GNG7: variants seen among roughly 807,000 people sequenced by gnomAD.
GNG7 encodes G protein subunit gamma 7.
In GNG7, 1 loss-of-function variant was observed where a neutral mutation model predicts 4.0. The observed-to-expected ratio is 0.25, with a 90% CI of 0.09 to 1.18. The LOEUF (loss-of-function observed/expected upper bound fraction) is 1.18. GNG7 is among the 50% of genes most tolerant of loss of function. GNG7 has a pLI of 0.50. For synonymous variants in GNG7, 34 were observed against 36.9 expected, an observed-to-expected ratio of 0.92 and a Z score of 0.29; for missense variants, 86 against 91.9, an observed-to-expected ratio of 0.94 and a Z score of 0.26.
chr19:2,676,592 T>C (rs1983599075), intron 1 of GNG7, among the ~76,000 whole-genome samples: 1 of 152,108 alleles, frequency 6.6e-6, no homozygotes, highest in African/African-American at 2.4e-5. Flanking sequence ...TTGTTTTCGC[T>C]TTCTGTAGAG....
At position 2,653,445 on chromosome 19, in the gene GNG7, C is replaced by T. The variant is rs1440595710; in HGVS notation, c.-134-7165G>A. Reference sequence around the variant, plus strand: ...ATTGAAATCCACATCCTGAGTGGGGCGGAGGGAGGAGGAGAATCCCAGGAG... The same window carrying T: ...ATTGAAATCCACATCCTGAGTGGGGTGGAGGGAGGAGGAGAATCCCAGGAG... On this transcript the variant is annotated intron_variant, in intron 1 of 4. Transcript: ENST00000382159. The surrounding 1 kb of genome is among the most constrained non-coding windows in gnomAD (Gnocchi z 4.8). Among the ~76,000 whole-genome samples, 1 of 152,090 alleles carries T rather than the reference C, an allele frequency of 6.6e-6. No individual in the cohort carries two copies. The highest frequency in any genetic ancestry group is 1.5e-5 in the Non-Finnish European group (1 of 68,016).
rs1335152822 is a variant in GNG7 at position 2,651,282 on chromosome 19, CTCCATCCCTCCCTCCCTACCT to C, written c.-134-5023_-134-5003del. Among the ~76,000 whole-genome samples, 750 of 98,454 alleles carry C rather than the reference CTCCATCCCTCCCTCCCTACCT, an allele frequency of 7.6e-3. 21 individuals are homozygous for C. Among genetic ancestry groups the C allele is most frequent in the African/African-American group, 0.034 (696 of 20,224 alleles). The allele number at this position is 98,454 out of a possible 152,430, so 64.6% of individuals were successfully genotyped here. A position where few individuals can be genotyped will look rare whatever the true frequency, so the allele number is the denominator to read the frequency against. ...CTTCCTTCCTTCCTTCCCTCCCTCC[CTCCATCCCTCCCTCCCTACCT>C]TCCCTCCATCCCTCCCTCCCTCCCT... On this transcript the variant is annotated intron_variant, in intron 1 of 4. Coordinates refer to ENST00000382159, the MANE Select transcript of GNG7 (RefSeq NM_052847.3).
At chr19:2,631,913 G>A (rs1419588108) in intron 2 of GNG7, 1 of 152,234 alleles carries the variant, frequency 6.6e-6, no homozygotes, top group Non-Finnish European at 1.5e-5. Context: ...TTCTGAAAGA[G>A]GAAGAGAGAA....
At chr19:2,638,874 T>C (rs1469366525) in intron 2 of GNG7, among the ~76,000 whole-genome samples, 1 of 152,142 alleles carries the variant, frequency 6.6e-6, no homozygotes, top group African/African-American at 2.4e-5. Context: ...ATACAGGTGA[T>C]TTTTTTATAA....
At chr19:2,687,131 C>T (rs1378067902) in intron 1 of GNG7, among the ~76,000 whole-genome samples, 1 of 151,676 alleles carries the variant, frequency 6.6e-6, no homozygotes, top group Non-Finnish European at 1.5e-5. Flanking sequence ...GATCTTGGCT[C>T]ACTGCAGCCT....
At position 2,635,282 on chromosome 19, in the gene GNG7, A is replaced by G. The variant is rs183542659; in HGVS notation, c.-78+10942T>C. Among the ~76,000 whole-genome samples, 625 of 152,264 alleles carry G rather than the reference A, an allele frequency of 4.1e-3. 6 individuals are homozygous for G. The highest frequency in any genetic ancestry group is 0.014 in the African/African-American group (588 of 41,552). On this transcript the variant is annotated intron_variant, in intron 2 of 4. Coordinates refer to ENST00000382159, the MANE Select transcript of GNG7 (RefSeq NM_052847.3). ...TCCATCTGCACCCTCTGCATCTCCA[A>G]CCCCACCCCCAGCCCCAGTGTCTCC...
chr19:2,527,428 G>A (rs1030252279), intron 3 of GNG7, among the ~76,000 whole-genome samples: 2 of 152,224 alleles, frequency 1.3e-5, no homozygotes, highest in African/African-American at 4.8e-5. Context: ...CTCTGGAGCT[G>A]TGCCCCCGCC....
At chr19:2,550,168 C>A (rs4993719) in intron 3 of GNG7, among the ~76,000 whole-genome samples, 9 of 151,958 alleles carry the variant, frequency 5.9e-5, no homozygotes, top group African/African-American at 2.2e-4. Flanking sequence ...TAGAATGCAG[C>A]AGAAGGAGCG....
intron 2 of GNG7, among the ~76,000 whole-genome samples, chr19:2,645,390 C>CA (rs1982638717): frequency 6.6e-6 from 1 of 151,900 alleles, no homozygotes; most frequent in African/African-American, 2.4e-5. Flanking sequence ...AGGCACCTGC[C>CA]ACCACGCCTG....
intron 1 of GNG7, among the ~76,000 whole-genome samples, chr19:2,661,295 A>AG (rs1599448750): frequency 1.1e-4 from 5 of 45,948 alleles, no homozygotes; most frequent in East Asian, 1.7e-3. Flanking sequence ...AGAAAGAAAG[A>AG]AAGAAAGAGA....
At chr19:2,558,315 C>G (rs1205561512) in intron 2 of GNG7, among the ~76,000 whole-genome samples, 1 of 151,112 alleles carries the variant, frequency 6.6e-6, no homozygotes, top group East Asian at 1.9e-4. Flanking sequence ...CAGCTCACTG[C>G]AGCCTCAACC....
At chr19:2,652,439 G>A (rs914148670) in intron 1 of GNG7, among the ~76,000 whole-genome samples, 9 of 152,110 alleles carry the variant, frequency 5.9e-5, no homozygotes, top group African/African-American at 1.7e-4. Context: ...GGCTAACATG[G>A]TGAAAGCCCG....
chr19:2,629,670 C>T (rs1232279856), intron 2 of GNG7, among the ~76,000 whole-genome samples: 4 of 152,198 alleles, frequency 2.6e-5, no homozygotes, highest in East Asian at 1.9e-4. Context: ...TGGGGGCACA[C>T]GGTGATTGGA....
intron 3 of GNG7, among the ~76,000 whole-genome samples, chr19:2,542,864 T>A (rs1405909755): frequency 6.7e-6 from 1 of 149,266 alleles, no homozygotes; most frequent in Non-Finnish European, 1.5e-5. Flanking sequence ...GCTGCACACA[T>A]CATCTCTGCT....
chr19:2,571,708 G>A (rs977843474), intron 2 of GNG7, among the ~76,000 whole-genome samples: 3 of 142,188 alleles, frequency 2.1e-5, no homozygotes, highest in African/African-American at 7.9e-5. Flanking sequence ...TGATCCTCCT[G>A]CCTCACCCTT....
intron 2 of GNG7, among the ~76,000 whole-genome samples, chr19:2,644,749 TACTG>T (rs1354212303): frequency 6.6e-6 from 1 of 152,118 alleles, no homozygotes; most frequent in Non-Finnish European, 1.5e-5. Flanking sequence ...TGGCATCTCT[TACTG>T]AGCGTGACGT....
chr19:2,580,816 G>C (rs567531488), intron 2 of GNG7, among the ~76,000 whole-genome samples: 1 of 151,946 alleles, frequency 6.6e-6, no homozygotes, highest in East Asian at 1.9e-4. Context: ...CCAGGCTGGA[G>C]TGCAGTGGTG....
chr19:2,619,961 A>AG lies in GNG7; in HGVS notation c.-78+26262dup, dbSNP rs916296300. 1.7e-3 allele frequency among the ~76,000 whole-genome samples: 232 copies of AG among 137,686 alleles called. 2 individuals carry two copies. Among genetic ancestry groups the AG allele is most frequent in the African/African-American group, 5.5e-3 (217 of 39,778 alleles). 90.3% of individuals were successfully genotyped at this position (137,686 alleles called of 152,430 possible). A position where few individuals can be genotyped will look rare whatever the true frequency, so the allele number is the denominator to read the frequency against. On this transcript the variant is annotated intron_variant, in intron 2 of 4. Transcript: ENST00000382159. ...CTAATCCTAGCATTTTGGGAGGACG[A>AG]GGGGGGGGCGCGGATCACCTGAGGT... is the stretch of plus-strand genomic sequence containing the variant.
intron 1 of GNG7, among the ~76,000 whole-genome samples, chr19:2,684,952 T>C (rs925513431): frequency 1.3e-5 from 2 of 151,354 alleles, no homozygotes; most frequent in Non-Finnish European, 3.0e-5. Context: ...GGAGAAACCT[T>C]GTCTCTACTA....
Sources: allele counts gnomAD v4.1 joint callset (sites outside exome capture counted in the v4.1 genomes callset), GRCh38; gene constraint gnomAD v4.1.1; non-coding constraint Gnocchi (gnomAD v3.1); transcripts MANE v1.5; gene names NCBI Gene and HGNC (gene_info 2026-07-23, HGNC 2026-07-21).